Variants in NEDD4L observed in about 807,000 individuals in gnomAD.
The protein encoded by NEDD4L is E3 ubiquitin-protein ligase NEDD4-like.
NEDD4L carries 54 observed loss-of-function variants against 148.9 expected under a neutral mutation model. The ratio of observed to expected loss-of-function variants is 0.36; its 90% CI spans 0.29 to 0.45. The LOEUF is 0.45. Ranked by LOEUF, NEDD4L falls within the 20% of genes least tolerant of loss-of-function variation. NEDD4L has a pLI of 1.00. For synonymous variants in NEDD4L, 433 were observed against 440.7 expected (o/e 0.98, Z 0.22); for missense variants, 856 against 1,233.8 (o/e 0.69, Z 4.59).
At chr18:58,282,965 AGT>A (rs2053381489) in intron 5 of NEDD4L, among the ~76,000 whole-genome samples, 1 of 152,206 alleles carries the variant, frequency 6.6e-6, no homozygotes. Flanking sequence ...CGTCACCAAG[AGT>A]CCCCAGGATG....
At chr18:58,118,671 T>G (rs1008162411) in intron 1 of NEDD4L, among the ~76,000 whole-genome samples, 1 of 152,066 alleles carries the variant, frequency 6.6e-6, no homozygotes, top group Non-Finnish European at 1.5e-5. Context: ...TTGCCAAATC[T>G]TTTGCACTGA....
chr18:58,199,787 A>C (rs2041192615), intron 2 of NEDD4L, among the ~76,000 whole-genome samples: 1 of 152,222 alleles, frequency 6.6e-6, no homozygotes. Flanking sequence ...GTTGAATTTA[A>C]ATGGAAAGAA....
intron 2 of NEDD4L, among the ~76,000 whole-genome samples, chr18:58,168,934 G>A (rs1464947858): frequency 2.0e-5 from 3 of 152,128 alleles, no homozygotes; most frequent in African/African-American, 7.2e-5. Flanking sequence ...GGCAGAATGT[G>A]ATGCTTGGGG....
At chr18:58,234,097 C>CTTTTCT (rs61539118) in intron 2 of NEDD4L, among the ~76,000 whole-genome samples, 83 of 83,386 alleles carry the variant, frequency 1.0e-3, no homozygotes, top group African/African-American at 4.8e-3. Flanking sequence ...TTCTTTCTTT[C>CTTTTCT]TTTCTTTTCT....
intron 2 of NEDD4L, among the ~76,000 whole-genome samples, chr18:58,214,100 A>G (rs966731156): frequency 1.3e-5 from 2 of 152,228 alleles, no homozygotes; most frequent in African/African-American, 4.8e-5. Flanking sequence ...GCTTTGGCCT[A>G]CATGAAGTGC....
intron 2 of NEDD4L, among the ~76,000 whole-genome samples, chr18:58,184,772 C>CA (rs1329217796): frequency 6.6e-6 from 1 of 151,810 alleles, no homozygotes; most frequent in South Asian, 2.1e-4. Context: ...ACTAAAAATA[C>CA]AAAAAATTAG....
intron 16 of NEDD4L, among the ~76,000 whole-genome samples, chr18:58,348,326 C>CTTTTTTTTCTTTTTTTT (rs2043371626): frequency 5.0e-4 from 44 of 88,644 alleles, no homozygotes; most frequent in African/African-American, 2.3e-3. Context: ...TCTTTTTTTT[C>CTTTTTTTTCTTTTTTTT]TTTTTTTTTT....
chr18:58,316,099 G>A (rs2058231069), intron 6 of NEDD4L, 67 bp downstream of exon 6: 7 of 1,258,048 alleles, frequency 5.6e-6, no homozygotes, highest in East Asian at 2.3e-5. Flanking sequence ...TGTAGTCAGT[G>A]TATTTTCAGA....
intron 3 of NEDD4L, among the ~76,000 whole-genome samples, chr18:58,245,825 C>T (rs1600183416): frequency 6.7e-6 from 1 of 149,664 alleles, no homozygotes; most frequent in East Asian, 2.0e-4. Flanking sequence ...GGATTACAGG[C>T]ACCTGTCACC....
chr18:58,205,494 GTGTA>G (rs1003512183), intron 2 of NEDD4L, among the ~76,000 whole-genome samples: 7 of 151,220 alleles, frequency 4.6e-5, no homozygotes, highest in African/African-American at 1.5e-4. Flanking sequence ...AGGGGTGTGT[GTGTA>G]TGTGTGTGTG....
intron 1 of NEDD4L, among the ~76,000 whole-genome samples, chr18:58,126,127 A>G (rs2031040255): frequency 6.6e-6 from 1 of 152,240 alleles, no homozygotes; most frequent in Non-Finnish European, 1.5e-5. Context: ...CTCCCCAGTC[A>G]TTATTGAGAT....
chr18:58,096,300 T>G (rs1293260902), intron 1 of NEDD4L, among the ~76,000 whole-genome samples: 1 of 151,858 alleles, frequency 6.6e-6, no homozygotes, highest in Non-Finnish European at 1.5e-5. Flanking sequence ...TGTGGTCATC[T>G]TTATCTAAAA....
chr18:58,237,998 A>C (rs888001640), intron 2 of NEDD4L, among the ~76,000 whole-genome samples: 4 of 152,250 alleles, frequency 2.6e-5, no homozygotes, highest in Admixed American at 1.3e-4. Context: ...TAATGGAAGC[A>C]TCCAAAAGTG....
intron 5 of NEDD4L, among the ~76,000 whole-genome samples, chr18:58,312,900 G>A (rs574489979): frequency 1.3e-5 from 2 of 152,304 alleles, no homozygotes; most frequent in East Asian, 1.9e-4. Flanking sequence ...GGGTGATCTC[G>A]AACTCCTGAC....
At chr18:58,354,339 T>C (rs538408115) in intron 18 of NEDD4L, among the ~76,000 whole-genome samples, 47 of 152,312 alleles carry the variant, frequency 3.1e-4, no homozygotes, top group Non-Finnish European at 5.0e-4. Context: ...ACTAGACCTG[T>C]TCATCGTGAC....
chr18:58,288,917 C>A (rs1004410617), intron 5 of NEDD4L, among the ~76,000 whole-genome samples: 1 of 152,232 alleles, frequency 6.6e-6, no homozygotes, highest in Non-Finnish European at 1.5e-5. Context: ...TCATTTCTTA[C>A]ACCACACACC....
chr18:58,338,262 A>G (rs2042013173), intron 13 of NEDD4L, among the ~76,000 whole-genome samples: 1 of 152,220 alleles, frequency 6.6e-6, no homozygotes, highest in African/African-American at 2.4e-5. Context: ...TTGTTAAGCT[A>G]GGGTGGAACA....
chr18:58,156,612 G>A (rs574002422), intron 1 of NEDD4L, among the ~76,000 whole-genome samples: 2 of 152,084 alleles, frequency 1.3e-5, no homozygotes, highest in South Asian at 4.2e-4. Context: ...CGCCTCCCAC[G>A]CCCCACATTT....
chr18:58,153,796 G>A (rs940734098), intron 1 of NEDD4L, among the ~76,000 whole-genome samples: 2 of 151,908 alleles, frequency 1.3e-5, no homozygotes, highest in African/African-American at 2.4e-5. Context: ...ACAGGCGCCC[G>A]CCACCACGCC....
Sources: gnomAD v4.1 joint callset for allele counts (sites outside exome capture counted in the v4.1 genomes callset) on GRCh38, gnomAD v4.1.1 for gene constraint, MANE v1.5 for transcripts, NCBI Gene and HGNC (gene_info 2026-07-23, HGNC 2026-07-21) for gene names.